The following DCHS2 variants were observed in gnomAD, a reference collection of about 807,000 sequenced individuals.
DCHS2 encodes dachsous cadherin-related 2.
DCHS2 carries 142 observed loss-of-function variants against 182.4 expected under a neutral mutation model. The observed-to-expected ratio is 0.78, with a 90% confidence interval of 0.68 to 0.89. The LOEUF (loss-of-function observed/expected upper bound fraction) is 0.89, where lower values mean the gene tolerates loss of function less well. Among genes scored for constraint, DCHS2 ranks in the 40% least tolerant of loss-of-function variants. The pLI, the probability that DCHS2 is intolerant of heterozygous loss-of-function variation, is 0.00. For missense variants in DCHS2, 4,319 were observed against 4,198.6 expected, an observed-to-expected ratio of 1.03 and a Z score of -0.79; for synonymous variants, 1,740 against 1,663.3, an observed-to-expected ratio of 1.05 and a Z score of -1.12.
intron 16 of DCHS2, among the ~76,000 whole-genome samples, chr4:154,247,852 G>A (rs1015722947): frequency 6.6e-5 from 10 of 152,080 alleles, no homozygotes; most frequent in Non-Finnish European, 1.5e-4. Context: ...TTACTTCTGT[G>A]GCACCTTTTC....
At position 154,315,806 on chromosome 4, in the gene DCHS2, T is replaced by G; in HGVS notation, c.5202A>C (p.Lys1734Asn). ...CAAACTCCCCTGGATTTTGGTTTTC[T>G]TTCACTGAGGCTTCATACAGGTGCT... ...FKQHLYEASV[K>N]ENQNPGEFVT... The change falls in exon 10 of 20, where the codon AAA becomes AAC. Residue 1734 changes from lysine (K) to asparagine (N), a missense_variant. Physicochemically the swap from Lys to Asn is moderately conservative, Grantham distance 94. Transcript: ENST00000357232. 6.2e-7 allele frequency: 1 copy of G among 1,614,098 alleles called. No individual in the cohort carries two copies. The highest frequency in any genetic ancestry group is 8.5e-7 in the Non-Finnish European group (1 of 1,179,992).
chr4:154,470,542 C>A (rs1216612468), intron 1 of DCHS2, among the ~76,000 whole-genome samples: 1 of 151,768 alleles, frequency 6.6e-6, no homozygotes, highest in Non-Finnish European at 1.5e-5. Flanking sequence ...GATCTGTCAG[C>A]TAATTCTGAT....
At chr4:154,456,686 G>T (rs944791200) in intron 1 of DCHS2, among the ~76,000 whole-genome samples, 2 of 152,196 alleles carry the variant, frequency 1.3e-5, no homozygotes, top group African/African-American at 4.8e-5. Flanking sequence ...TTTAGAAAAG[G>T]TAGACAACTT....
chr4:154,340,099 G>A (rs901907835), intron 3 of DCHS2, among the ~76,000 whole-genome samples: 2 of 148,730 alleles, frequency 1.3e-5, no homozygotes, highest in African/African-American at 2.4e-5. Flanking sequence ...ACTTTTTTAG[G>A]ACTATGAAGG....
At chr4:154,333,698 T>C (rs1561050506) in intron 4 of DCHS2, 1 of 616,994 alleles carries the variant, frequency 1.6e-6, no homozygotes, top group Non-Finnish European at 2.8e-6. Context: ...ATCCTTACCA[T>C]TGGGGTACAA....
Position 154,490,643 on chromosome 4 carries a change from C to T in DCHS2, c.713G>A (p.Gly238Asp). The change falls in exon 1 of 20, where the codon GGC (glycine) becomes GAC (aspartate). Residue 238 changes from glycine to aspartate, a missense_variant. By Grantham distance (94) the Gly-to-Asp change is moderately conservative. Transcript: ENST00000357232. ...PGPLPSPLLP[G>D]SSSPLEPLDL... Reference sequence around the variant, plus strand: ...TAGAGGCTCCAGGGGTGACGAGGAGCCTGGCAAAAGCGGTGACGGTAGTGG... The same window carrying T: ...TAGAGGCTCCAGGGGTGACGAGGAGTCTGGCAAAAGCGGTGACGGTAGTGG... 1 of 1,551,124 alleles carries T rather than the reference C, an allele frequency of 6.4e-7. No individual in the cohort carries two copies. Among genetic ancestry groups the T allele is most frequent in the Non-Finnish European group, 8.7e-7 (1 of 1,146,884 alleles).
At chr4:154,353,753 G>A (rs1032045731) in intron 3 of DCHS2, among the ~76,000 whole-genome samples, 3 of 152,176 alleles carry the variant, frequency 2.0e-5, no homozygotes, top group Non-Finnish European at 4.4e-5. Context: ...GTCTCAAAGG[G>A]TGTCCCCTGA....
chr4:154,266,428 G>A (rs1005427167), intron 14 of DCHS2, among the ~76,000 whole-genome samples: 3 of 152,052 alleles, frequency 2.0e-5, no homozygotes, highest in African/African-American at 7.2e-5. Flanking sequence ...AGGGTGAAGC[G>A]GGTGGATCAC....
intron 12 of DCHS2, among the ~76,000 whole-genome samples, chr4:154,300,047 T>C (rs1735134345): frequency 6.6e-6 from 1 of 152,194 alleles, no homozygotes; most frequent in Non-Finnish European, 1.5e-5. Context: ...AAAGCCATAC[T>C]ACAAGTTTTG....
At chr4:154,403,595 G>A (rs1732281155) in intron 1 of DCHS2, among the ~76,000 whole-genome samples, 1 of 152,086 alleles carries the variant, frequency 6.6e-6, no homozygotes, top group African/African-American at 2.4e-5. Context: ...GATACTGGCT[G>A]TAATTTTGTT....
chr4:154,427,778 C>A (rs7686094), intron 1 of DCHS2, among the ~76,000 whole-genome samples: 42,200 of 152,128 alleles, frequency 0.28, 7,223 homozygotes, highest in Middle Eastern at 0.43. Flanking sequence ...CCTTCTACCA[C>A]CTCCCGTCAG....
At chr4:154,277,012 T>C (rs545785689) in intron 13 of DCHS2, among the ~76,000 whole-genome samples, 501 of 152,368 alleles carry the variant, frequency 3.3e-3, no homozygotes, top group African/African-American at 9.0e-3. Flanking sequence ...ATAACTCTTC[T>C]TTGCAGTTCT....
At chr4:154,275,755 A>G (rs1303057416) in intron 13 of DCHS2, among the ~76,000 whole-genome samples, 6 of 152,106 alleles carry the variant, frequency 3.9e-5, no homozygotes, top group Non-Finnish European at 8.8e-5. Context: ...CCTTTTTTTC[A>G]TGGGTTAGAA....
intron 1 of DCHS2, among the ~76,000 whole-genome samples, chr4:154,438,961 T>A (rs377426467): frequency 4.2e-4 from 64 of 152,320 alleles, no homozygotes; most frequent in African/African-American, 1.5e-3. Context: ...CCTTAACTAT[T>A]GTTGAGTTTG....
In DCHS2 at chr4:154,323,334, CAAAAAA is replaced by C; in HGVS notation, c.4019-852_4019-847del. The C allele has an allele frequency of 3.5e-6, 5 of 1,440,076 alleles. No homozygotes were observed. The Admixed American group carries it at 7.1e-5, about 21-fold the overall frequency. 89.2% of individuals were successfully genotyped at this position (1,440,076 alleles called of 1,614,324 possible). ...CCTTCAGAGGCATAGGTCTAGCTGC[CAAAAAA>C]AAAAAAAAAGATGAAGTCTCTTTCT... On this transcript the variant is annotated intron_variant, in intron 7 of 19. Transcript: ENST00000357232.
At chr4:154,341,427 A>C (rs1017350141) in intron 3 of DCHS2, among the ~76,000 whole-genome samples, 5 of 151,890 alleles carry the variant, frequency 3.3e-5, no homozygotes, top group African/African-American at 1.2e-4. Flanking sequence ...CTCTATAAGC[A>C]CCTAACCATA....
Position 154,378,499 on chromosome 4 carries a change from G to GGGAAGGAAGGAAGGAA in DCHS2, c.2053-1071_2053-1056dup, listed in dbSNP as rs1199898647. Among the ~76,000 whole-genome samples, 27 of 56,350 alleles carry GGGAAGGAAGGAAGGAA rather than the reference G, an allele frequency of 4.8e-4. 3 individuals carry two copies. The South Asian group carries it at 0.024, about 50-fold the overall frequency. The allele number at this position is 56,350 out of a possible 152,430, so 37.0% of individuals were successfully genotyped here. Reference sequence around the variant, plus strand: ...AAAGAAGGAAGGAGGGAGGGAGGGTGGGAAGGAAGGAAGGAAGGAAAGAAG... The same window carrying GGGAAGGAAGGAAGGAA: ...AAAGAAGGAAGGAGGGAGGGAGGGTGGGAAGGAAGGAAGGAAGGAAGGAAGGAAGGAAGGAAAGAAG... On this transcript the variant is annotated intron_variant, in intron 1 of 19. Transcript: ENST00000357232.
At chr4:154,287,856 C>T (rs1310642225) in intron 13 of DCHS2, among the ~76,000 whole-genome samples, 1 of 152,058 alleles carries the variant, frequency 6.6e-6, no homozygotes, top group Non-Finnish European at 1.5e-5. Context: ...AAGTTATCAT[C>T]AGTTTAAAAT....
At position 154,346,064 on chromosome 4, in the gene DCHS2, C is replaced by T. The variant is rs914950243; in HGVS notation, c.2477-10960G>A. ...AGAAGCAAGCTCTAGTCCCTCTCTTCGTATAAGCCACTCATCCCATTGTGG... is the reference window on the plus strand; with the variant it reads ...AGAAGCAAGCTCTAGTCCCTCTCTTTGTATAAGCCACTCATCCCATTGTGG... On this transcript the variant is annotated intron_variant, in intron 3 of 19. Coordinates refer to ENST00000357232, the MANE Select transcript of DCHS2 (RefSeq NM_001358235.2). Among the ~76,000 whole-genome samples, 8 of 152,268 alleles carry T rather than the reference C, an allele frequency of 5.3e-5. No individual in the cohort carries two copies. The South Asian group carries it at 8.3e-4, about 16-fold the overall frequency.
Sources: gnomAD v4.1 joint callset for allele counts (sites outside exome capture counted in the v4.1 genomes callset) on GRCh38, gnomAD v4.1.1 for gene constraint, MANE v1.5 for transcripts, NCBI Gene and HGNC (gene_info 2026-07-23, HGNC 2026-07-21) for gene names.